RAB3GAP2: variants seen among roughly 807,000 people sequenced by gnomAD.
RAB3GAP2 encodes RAB3 GTPase activating non-catalytic protein subunit 2, also known as rab3 GTPase-activating protein non-catalytic subunit.
RAB3GAP2 carries 87 observed loss-of-function variants against 185.3 expected under a neutral mutation model. The observed-to-expected ratio is 0.47, with a 90% CI of 0.39 to 0.56. RAB3GAP2 has a LOEUF of 0.56. Ranked by LOEUF, RAB3GAP2 falls within the 20% of genes least tolerant of loss-of-function variation. The pLI is 0.00. For synonymous variants in RAB3GAP2, 554 were observed against 576.1 expected (o/e 0.96, Z 0.55); for missense variants, 1,492 against 1,638.2 (o/e 0.91, Z 1.54).
In RAB3GAP2 at chr1:220,185,718, A is replaced by T. The variant is rs780022834; in HGVS notation, c.1803T>A (p.Ser601Arg). The T allele has an allele frequency of 9.9e-6, 16 of 1,612,034 alleles. No individual in the cohort carries two copies. Among genetic ancestry groups the T allele is most frequent in the Non-Finnish European group, 1.2e-5 (14 of 1,178,584 alleles). ...TAAGGCAAGAAAATGGTAAACGTTC[A>T]CTTGCCAAAATGCTTTCCAAAGCCT... ...KKQALESILA[S>R]ERLPFSCLRN... Residue 601 changes from serine to arginine, a missense_variant, in exon 18 of 35, where the codon AGT becomes AGA. Physicochemically the swap from Ser to Arg is moderately radical, Grantham distance 110. This residue lies in a region of RAB3GAP2 where 681 missense variants were observed against 689.1 expected (regional missense o/e 0.99). Coordinates refer to ENST00000358951, the MANE Select transcript of RAB3GAP2 (RefSeq NM_012414.4).
rs540821827 is a variant in RAB3GAP2 at position 220,254,678 on chromosome 1, A to C, written c.115+17545T>G. The C allele has an allele frequency of 5.0e-4, 371 of 741,704 alleles. 3 individuals are homozygous for C. In the South Asian group the frequency reaches 6.5e-3, roughly 13 times the overall value. 45.9% of individuals were successfully genotyped at this position (741,704 alleles called of 1,614,324 possible). ...TTGTTTTCTGTTTGATTTTAAACAGAGAAAATAAAAGGGGTAATAGCTCCT... is the reference window on the plus strand; with the variant it reads ...TTGTTTTCTGTTTGATTTTAAACAGCGAAAATAAAAGGGGTAATAGCTCCT... On this transcript the variant is annotated intron_variant, in intron 1 of 34. Coordinates refer to ENST00000358951, the MANE Select transcript of RAB3GAP2 (RefSeq NM_012414.4).
At chr1:220,200,435 T>G in intron 9 of RAB3GAP2, 2 of 386,356 alleles carry the variant, frequency 5.2e-6, no homozygotes, top group Non-Finnish European at 1.1e-5. Flanking sequence ...TGGGGTCCTA[T>G]CTTGTATTTC....
At chr1:220,232,039 T>C (rs1039350735) in intron 2 of RAB3GAP2, among the ~76,000 whole-genome samples, 1 of 152,232 alleles carries the variant, frequency 6.6e-6, no homozygotes, top group East Asian at 1.9e-4. Context: ...TATGTGAAAA[T>C]ATACTAACAT....
Position 220,190,360 on chromosome 1 carries a change from C to T in RAB3GAP2, c.1631+17G>A. 6.2e-7 allele frequency: 1 copy of T among 1,614,034 alleles called. No homozygotes were observed. The highest frequency in any genetic ancestry group is 8.5e-7 in the Non-Finnish European group (1 of 1,179,934). On this transcript the variant is annotated intron_variant, in intron 15 of 34. Coordinates refer to ENST00000358951, the MANE Select transcript of RAB3GAP2 (RefSeq NM_012414.4). ...TTAGCAGAGGAGCGTCAATCAGCAA[C>T]ACTGGACACACCTTACCTCAGTGCT...
intron 9 of RAB3GAP2, among the ~76,000 whole-genome samples, chr1:220,197,780 T>G (rs1026750452): frequency 3.3e-5 from 5 of 152,206 alleles, no homozygotes; most frequent in African/African-American, 1.2e-4. Context: ...TATGCAATTT[T>G]TTTAAAGGAT....
intron 21 of RAB3GAP2, among the ~76,000 whole-genome samples, chr1:220,177,788 G>A (rs1007421104): frequency 4.5e-4 from 68 of 152,078 alleles, no homozygotes; most frequent in African/African-American, 1.4e-3. Context: ...GAATGAAAAG[G>A]AATGAACAAG....
intron 1 of RAB3GAP2, among the ~76,000 whole-genome samples, chr1:220,260,786 A>T (rs1660121940): frequency 2.6e-5 from 4 of 152,230 alleles, no homozygotes; most frequent in African/African-American, 9.6e-5. Context: ...TTACTAAGGC[A>T]ATACTTCCAA....
chr1:220,191,815 T>TAA (rs931634022), intron 13 of RAB3GAP2, among the ~76,000 whole-genome samples: 42 of 132,992 alleles, frequency 3.2e-4, no homozygotes, highest in African/African-American at 1.1e-3. Context: ...CGAAACTCTC[T>TAA]AAAAAAAAAA....
intron 7 of RAB3GAP2, among the ~76,000 whole-genome samples, chr1:220,207,210 T>TCA (rs1658985081): frequency 6.6e-6 from 1 of 152,200 alleles, no homozygotes; most frequent in African/African-American, 2.4e-5. Context: ...GTAAATTCCT[T>TCA]CAAGTGGGTC....
At chr1:220,206,680 G>A (rs180862666) in intron 7 of RAB3GAP2, among the ~76,000 whole-genome samples, 1 of 152,106 alleles carries the variant, frequency 6.6e-6, no homozygotes, top group South Asian at 2.1e-4. Context: ...ACTCTCTTCT[G>A]CATTTAGAAT....
chr1:220,176,608 C>T (rs1396793668), intron 21 of RAB3GAP2, among the ~76,000 whole-genome samples: 1 of 152,156 alleles, frequency 6.6e-6, no homozygotes, highest in African/African-American at 2.4e-5. Context: ...GGAAAGTAGC[C>T]TTGTGGTGCT....
rs748991098 is a variant in RAB3GAP2 at position 220,167,301 on chromosome 1, C to T, written c.3079G>A (p.Asp1027Asn). Residue 1027 changes from aspartate to asparagine, a missense_variant, in exon 26 of 35, where the codon GAT (aspartate) becomes AAT (asparagine). By Grantham distance (23) the Asp-to-Asn change is conservative. Around this residue, in one of 5 missense-constraint regions of RAB3GAP2, gnomAD observed 387 missense variants for 455.3 expected, o/e 0.85. Transcript: ENST00000358951. Reference sequence around the variant, plus strand: ...GGTAACGAGAATCTTACCTCTGGATCTTTATTCCACTGAACAACGTACTCC... The same window carrying T: ...GGTAACGAGAATCTTACCTCTGGATTTTTATTCCACTGAACAACGTACTCC... ...CWEYVVQWNKDPEEARFFVRS... is the reference protein window; with the variant it reads ...CWEYVVQWNKNPEEARFFVRS... The T allele has an allele frequency of 2.2e-5, 35 of 1,613,554 alleles. No homozygotes were observed. The highest frequency in any genetic ancestry group is 2.9e-5 in the Non-Finnish European group (34 of 1,179,564).
chr1:220,167,341 A>G lies in RAB3GAP2; in HGVS notation c.3039T>C (p.His1013=), dbSNP rs369145757. The G allele has an allele frequency of 1.9e-6, 3 of 1,614,228 alleles. No homozygotes were observed. Among genetic ancestry groups the G allele is most frequent in the Non-Finnish European group, 2.5e-6 (3 of 1,180,032 alleles). ...CAACGTACTCCCAGCAGCAATGTGCATGCAAGACATCGAGCTCAAGGCTAC... is the reference window on the plus strand; with the variant it reads ...CAACGTACTCCCAGCAGCAATGTGCGTGCAAGACATCGAGCTCAAGGCTAC... ...FPCSLELDVL[H]AHCCWEYVVQ... Residue 1013 remains histidine, a synonymous_variant, in exon 26 of 35, where the codon CAT becomes CAC. Coordinates refer to ENST00000358951, the MANE Select transcript of RAB3GAP2 (RefSeq NM_012414.4).
At chr1:220,213,500 T>TA (rs1360784013) in intron 3 of RAB3GAP2, among the ~76,000 whole-genome samples, 2 of 151,904 alleles carry the variant, frequency 1.3e-5, no homozygotes, top group Non-Finnish European at 2.9e-5. Flanking sequence ...GTTTTCAAAT[T>TA]AGAGTTGAAA....
chr1:220,167,672 C>G lies in RAB3GAP2; in HGVS notation c.2810G>C (p.Gly937Ala). The change falls in exon 25 of 35, where the codon GGC becomes GCC. Residue 937 changes from glycine (G) to alanine (A), a missense_variant. Gly to Ala is a moderately conservative substitution (Grantham distance 60). Coordinates refer to ENST00000358951, the MANE Select transcript of RAB3GAP2 (RefSeq NM_012414.4). ...CCACTTGGCTACACTGTCTGCAATG[C>G]CACCTATAGTTTGGAGACAAGAAAG... Reference protein sequence around the residue: ...VKKLLEGGKGGIADSVAKWIF... With the variant: ...VKKLLEGGKGAIADSVAKWIF... The G allele has an allele frequency of 6.2e-7, 1 of 1,613,562 alleles. No homozygotes were observed. Among genetic ancestry groups the G allele is most frequent in the Non-Finnish European group, 8.5e-7 (1 of 1,179,862 alleles).
At chr1:220,261,438 C>T (rs1660135525) in intron 1 of RAB3GAP2, among the ~76,000 whole-genome samples, 1 of 152,208 alleles carries the variant, frequency 6.6e-6, no homozygotes, top group Admixed American at 6.5e-5. Context: ...AGATAATCTC[C>T]TCTTTTGGAA....
chr1:220,153,774 C>G (rs1248865310), intron 32 of RAB3GAP2, 194 bp downstream of exon 32: 1 of 622,972 alleles, frequency 1.6e-6, no homozygotes, highest in East Asian at 3.6e-5. Context: ...ACGACAGGCC[C>G]TGGTGTGTGA....
chr1:220,196,421 T>C (rs1215203768), intron 9 of RAB3GAP2, 23 bp from the exon 10 acceptor site: 1 of 1,557,648 alleles, frequency 6.4e-7, no homozygotes, highest in Non-Finnish European at 8.9e-7. Context: ...AAAAAGTGAT[T>C]TGAATGTACA....
At chr1:220,194,106 G>T (rs1658678024) in intron 12 of RAB3GAP2, among the ~76,000 whole-genome samples, 1 of 151,918 alleles carries the variant, frequency 6.6e-6, no homozygotes, top group African/African-American at 2.4e-5. Flanking sequence ...ATAATTAGTT[G>T]GCTCTTCTTA....
Sources: allele counts gnomAD v4.1 joint callset (sites outside exome capture counted in the v4.1 genomes callset), GRCh38; gene constraint gnomAD v4.1.1; regional missense constraint gnomAD v4.1.1; transcripts MANE v1.5; gene names NCBI Gene and HGNC (gene_info 2026-07-23, HGNC 2026-07-21).